PTPRD: variants seen among roughly 807,000 people sequenced by gnomAD.
PTPRD encodes receptor-type tyrosine-protein phosphatase delta.
Under a neutral mutation model 214.5 loss-of-function variants are expected in PTPRD, and 34 were observed. The observed-to-expected ratio is 0.16, with a 90% CI of 0.12 to 0.21. The LOEUF (loss-of-function observed/expected upper bound fraction) is 0.21. Among genes scored for constraint, PTPRD ranks in the 10% least tolerant of loss-of-function variants. PTPRD has a pLI of 1.00. For missense variants in PTPRD, 2,545 were observed against 2,398.7 expected, an observed-to-expected ratio of 1.06 and a Z score of -1.27; for synonymous variants, 1,128 against 845.7, an observed-to-expected ratio of 1.33 and a Z score of -5.79.
At chr9:9,638,377 G>C (rs1194839309) in intron 7 of PTPRD, among the ~76,000 whole-genome samples, 2 of 152,116 alleles carry the variant, frequency 1.3e-5, no homozygotes, top group African/African-American at 4.8e-5. Context: ...AAGTCCTAGG[G>C]CATGGATATA....
intron 8 of PTPRD, among the ~76,000 whole-genome samples, chr9:9,465,655 T>G (rs1158332760): frequency 6.6e-6 from 1 of 152,190 alleles, no homozygotes; most frequent in Admixed American, 6.5e-5. Flanking sequence ...TTTGCCTTTT[T>G]CTATGCCCCA....
At chr9:9,443,824 T>A (rs2089307123) in intron 8 of PTPRD, among the ~76,000 whole-genome samples, 1 of 152,310 alleles carries the variant, frequency 6.6e-6, no homozygotes, top group East Asian at 1.9e-4. Flanking sequence ...GTAAAAAAGA[T>A]GATGCTTTAA....
chr9:8,628,223 G>C (rs559753196), intron 14 of PTPRD, among the ~76,000 whole-genome samples: 3 of 151,906 alleles, frequency 2.0e-5, no homozygotes, highest in East Asian at 1.9e-4. Context: ...TCTTCAAAAA[G>C]AGGCATTAAT....
At chr9:8,413,533 C>A (rs1013566222) in intron 35 of PTPRD, among the ~76,000 whole-genome samples, 1 of 152,128 alleles carries the variant, frequency 6.6e-6, no homozygotes, top group Admixed American at 6.5e-5. Flanking sequence ...CACTAAAAAA[C>A]ATGACTATCC....
rs573377802 is a variant in PTPRD, at chr9:8,647,288, G to A, written c.65-10444C>T. Among the ~76,000 whole-genome samples the A allele has an allele frequency of 9.9e-5, 15 of 151,974 alleles. 1 individual carries two copies. In the South Asian group the frequency reaches 1.0e-3, roughly 11 times the overall value. On this transcript the variant is annotated intron_variant, in intron 12 of 45. Coordinates refer to ENST00000381196, the MANE Select transcript of PTPRD (RefSeq NM_002839.4). ...AATGACTTTACTCTTCTAATTGTAC[G>A]TATTTATTATAAATTAGAAAATGTA...
chr9:9,466,980 T>A (rs1405062603), intron 8 of PTPRD, among the ~76,000 whole-genome samples: 2 of 152,092 alleles, frequency 1.3e-5, no homozygotes, highest in Non-Finnish European at 2.9e-5. Flanking sequence ...TTTAGCCGAA[T>A]AGCTGAATTT....
chr9:10,128,682 A>G (rs1326016621), intron 3 of PTPRD, among the ~76,000 whole-genome samples: 2 of 152,152 alleles, frequency 1.3e-5, no homozygotes, highest in African/African-American at 4.8e-5. Context: ...TGCCATTTCA[A>G]TGCCTGTTTT....
At chr9:9,945,302 A>T (rs1239754365) in intron 4 of PTPRD, among the ~76,000 whole-genome samples, 3 of 152,138 alleles carry the variant, frequency 2.0e-5, no homozygotes, top group African/African-American at 7.2e-5. Flanking sequence ...TTTGGAAGTT[A>T]TTAGGATATA....
intron 10 of PTPRD, among the ~76,000 whole-genome samples, chr9:9,085,401 C>T (rs948991466): frequency 2.0e-5 from 3 of 152,122 alleles, no homozygotes; most frequent in African/African-American, 4.8e-5. Flanking sequence ...ATTCTTCTTT[C>T]AAGATGCGAA....
intron 11 of PTPRD, among the ~76,000 whole-genome samples, chr9:8,825,597 T>C (rs946726546): frequency 1.3e-5 from 2 of 152,194 alleles, no homozygotes; most frequent in East Asian, 1.9e-4. Context: ...GAGAGGGTTC[T>C]TGGATTTTGG....
Position 8,404,561 on chromosome 9 carries a change from G to T in PTPRD, c.4186C>A (p.Arg1396=), listed in dbSNP as rs754058497. 2 of 1,612,718 alleles carry T rather than the reference G, an allele frequency of 1.2e-6. No individual in the cohort carries two copies. Among genetic ancestry groups the T allele is most frequent in the African/African-American group, 2.7e-5 (2 of 74,896 alleles). ...YANVIAYDHS[R]VLLSAIEGIP... The stretch of plus-strand genomic sequence containing the variant: ...CCTTCTATAGCTGATAGGAGAACCC[G>T]GGAATGATCATATGCGATTACATTC... The change falls in exon 36 of 46, where the codon CGG becomes AGG. Residue 1396 remains arginine (R), a synonymous_variant. Coordinates refer to ENST00000381196, the MANE Select transcript of PTPRD (RefSeq NM_002839.4).
At chr9:8,603,352 A>G (rs994260359) in intron 14 of PTPRD, among the ~76,000 whole-genome samples, 4 of 152,204 alleles carry the variant, frequency 2.6e-5, no homozygotes, top group Admixed American at 6.5e-5. Context: ...ATTATATTGT[A>G]CTTAGACAAC....
At chr9:9,772,599 T>G (rs189617578) in intron 5 of PTPRD, among the ~76,000 whole-genome samples, 1 of 142,876 alleles carries the variant, frequency 7.0e-6, no homozygotes, top group Non-Finnish European at 1.5e-5. Context: ...AAGCAATCTA[T>G]TGACCTGAAG....
At chr9:9,308,895 G>T (rs1306648669) in intron 9 of PTPRD, among the ~76,000 whole-genome samples, 1 of 152,042 alleles carries the variant, frequency 6.6e-6, no homozygotes, top group African/African-American at 2.4e-5. Context: ...ATCATTACAT[G>T]TTATTTAAAG....
chr9:8,457,494 AG>A (rs2096250989), intron 33 of PTPRD, among the ~76,000 whole-genome samples: 3 of 152,230 alleles, frequency 2.0e-5, no homozygotes, highest in Admixed American at 6.5e-5. Flanking sequence ...ATAGGTATAC[AG>A]ATTACTAGAT....
chr9:10,002,677 C>A, intron 4 of PTPRD, among the ~76,000 whole-genome samples: 1 of 144,438 alleles, frequency 6.9e-6, no homozygotes, highest in African/African-American at 2.6e-5. Context: ...GACAGAGTCT[C>A]AAAATACTTG....
intron 2 of PTPRD, among the ~76,000 whole-genome samples, chr9:10,390,842 T>C (rs574242008): frequency 1.3e-5 from 2 of 151,778 alleles, no homozygotes; most frequent in Non-Finnish European, 2.9e-5. Context: ...GCTAAGACAT[T>C]TAATATGGAT....
chr9:8,408,436 C>A (rs1435292423), intron 35 of PTPRD, among the ~76,000 whole-genome samples: 1 of 152,128 alleles, frequency 6.6e-6, no homozygotes, highest in African/African-American at 2.4e-5. Context: ...GCCTTCCCAG[C>A]ACTCAATCTG....
Position 9,149,138 on chromosome 9 carries a change from C to G in PTPRD, c.-143+34166G>C, listed in dbSNP as rs1223287579. ...AGAGTCCTAGCATCACCTGGATAAC[C>G]TTGAGCAAGGTATAAAATTATCGCT... is the stretch of plus-strand genomic sequence containing the variant. On this transcript the variant is annotated intron_variant, in intron 10 of 45. Transcript: ENST00000381196. 5.9e-5 allele frequency among the ~76,000 whole-genome samples: 9 copies of G among 152,298 alleles called. No homozygotes were observed. In the East Asian group the frequency reaches 1.5e-3, roughly 26 times the overall value.
Sources: gnomAD v4.1 joint callset for allele counts (sites outside exome capture counted in the v4.1 genomes callset) on GRCh38, gnomAD v4.1.1 for gene constraint, MANE v1.5 for transcripts, NCBI Gene and HGNC (gene_info 2026-07-23, HGNC 2026-07-21) for gene names.